Variants in SSBP3 observed in about 807,000 individuals in gnomAD.
SSBP3 encodes single stranded DNA binding protein 3.
Under a neutral mutation model 69.6 loss-of-function variants are expected in SSBP3, and 5 were observed. That is an observed-to-expected ratio of 0.07 (90% CI 0.04 to 0.15). The LOEUF (loss-of-function observed/expected upper bound fraction) is 0.15, where lower values mean the gene tolerates loss of function less well. Ranked by LOEUF, SSBP3 falls within the 10% of genes least tolerant of loss-of-function variation. The pLI, the probability that SSBP3 is intolerant of heterozygous loss-of-function variation, is 1.00. For missense variants in SSBP3, 312 were observed against 534.0 expected (o/e 0.58, Z 4.10); for synonymous variants, 196 against 193.4 (o/e 1.01, Z -0.11).
At chr1:54,397,686 C>G (rs571631023) in intron 4 of SSBP3, among the ~76,000 whole-genome samples, 2 of 152,284 alleles carry the variant, frequency 1.3e-5, no homozygotes, top group African/African-American at 2.4e-5. Flanking sequence ...GGTCATGGAA[C>G]TCCATGTCCA....
chr1:54,405,009 G>A (rs1649611031), intron 1 of SSBP3, 79 bp from the exon 2 acceptor site: 1 of 1,311,890 alleles, frequency 7.6e-7, no homozygotes. Context: ...CTTGCCAGCA[G>A]GCTTTGAGCC....
chr1:54,347,877 G>A (rs2100560779), intron 4 of SSBP3, among the ~76,000 whole-genome samples: 1 of 152,298 alleles, frequency 6.6e-6, no homozygotes, highest in East Asian at 1.9e-4. Context: ...TCAGCCTCCA[G>A]AACATTGAGA....
At chr1:54,254,303 G>A (rs1000206500) in intron 7 of SSBP3, among the ~76,000 whole-genome samples, 9 of 152,148 alleles carry the variant, frequency 5.9e-5, no homozygotes, top group African/African-American at 2.2e-4. Context: ...TCTCTCACCT[G>A]CCCCGCCAGC....
chr1:54,225,506 CT>C (rs919062267), exon 18 of SSBP3: 35 of 1,067,548 alleles, frequency 3.3e-5, no homozygotes, highest in Middle Eastern at 5.3e-4. Flanking sequence ...ATCATAATTA[CT>C]TTTTTTTCCT....
intron 5 of SSBP3, among the ~76,000 whole-genome samples, chr1:54,268,571 A>AC (rs1387404750): frequency 6.6e-6 from 1 of 152,212 alleles, no homozygotes; most frequent in African/African-American, 2.4e-5. Flanking sequence ...CCCTAATTCA[A>AC]CCCCAATTGC....
intron 4 of SSBP3, among the ~76,000 whole-genome samples, chr1:54,319,001 T>G (rs1646165688): frequency 6.6e-6 from 1 of 152,096 alleles, no homozygotes; most frequent in African/African-American, 2.4e-5. Context: ...TTGGAAACAC[T>G]GCAATTCTTT....
At chr1:54,406,687 C>G (rs1359991057), upstream of SSBP3, among the ~76,000 whole-genome samples, 1 of 152,068 alleles carries the variant, frequency 6.6e-6, no homozygotes, top group South Asian at 2.1e-4. Context: ...CTCCTCGCCC[C>G]AGCGAGGAGG....
intron 4 of SSBP3, among the ~76,000 whole-genome samples, chr1:54,352,269 A>G (rs1388149125): frequency 3.3e-5 from 5 of 151,784 alleles, no homozygotes; most frequent in Non-Finnish European, 1.5e-5. Flanking sequence ...GAAGCAGCAC[A>G]AGGTGCCTTA....
chr1:54,359,804 C>T (rs747609292), intron 4 of SSBP3, among the ~76,000 whole-genome samples: 7 of 152,054 alleles, frequency 4.6e-5, no homozygotes, highest in Non-Finnish European at 8.8e-5. Flanking sequence ...CAGGAGGGTG[C>T]GATGCCATCT....
At chr1:54,386,683 C>CCTTTTTTTTTTTTTTT (rs1648105405) in intron 4 of SSBP3, among the ~76,000 whole-genome samples, 1 of 76,136 alleles carries the variant, frequency 1.3e-5, no homozygotes, top group African/African-American at 6.9e-5. Flanking sequence ...ACTGATCCTA[C>CCTTTTTTTTTTTTTTT]TTTTTTTTTT....
intron 4 of SSBP3, among the ~76,000 whole-genome samples, chr1:54,304,749 T>C (rs1469822384): frequency 6.6e-6 from 1 of 152,174 alleles, no homozygotes; most frequent in Non-Finnish European, 1.5e-5. Context: ...GGGTTGAGTT[T>C]GTGGATGCTG....
rs111320500 is a variant in SSBP3 at position 54,392,136 on chromosome 1, A to G, written c.276+9725T>C. On this transcript the variant is annotated intron_variant, in intron 4 of 17. Transcript: ENST00000610401. ...TCTGTTGGGATTTTCTGTGTGTTCA[A>G]TGCACTAAGACTATGGCAGCAAACC... Among the ~76,000 whole-genome samples, 586 of 152,316 alleles carry G rather than the reference A, an allele frequency of 3.8e-3. 20 individuals carry two copies. The South Asian group carries it at 0.041, about 11-fold the overall frequency.
At chr1:54,401,400 A>ACC (rs1649285186) in intron 4 of SSBP3, among the ~76,000 whole-genome samples, 1 of 151,900 alleles carries the variant, frequency 6.6e-6, no homozygotes, top group African/African-American at 2.4e-5. Context: ...ACACACACAC[A>ACC]CACCCATAAT....
rs866825963 is a variant in SSBP3, at chr1:54,239,208, C to G, written c.857-9G>C. On this transcript the variant is annotated splice_polypyrimidine_tract_variant and intron_variant, in intron 13 of 17. Transcript: ENST00000610401. ...ACTGGAATTTGTTGAATCTGTAGAA[C>G]AGTGGAAACCCACAAGTCGGGGTGA... The G allele has an allele frequency of 1.6e-5, 25 of 1,602,726 alleles. No individual in the cohort carries two copies. The Middle Eastern group carries it at 3.0e-3, about 192-fold the overall frequency.
intron 5 of SSBP3, among the ~76,000 whole-genome samples, chr1:54,271,692 C>T (rs983402208): frequency 6.6e-6 from 1 of 152,214 alleles, no homozygotes; most frequent in Non-Finnish European, 1.5e-5. Flanking sequence ...TGCCCCTCTA[C>T]CCCACCATGT....
upstream of SSBP3, among the ~76,000 whole-genome samples, chr1:54,407,538 A>T (rs926878009): frequency 2.0e-5 from 3 of 152,058 alleles, no homozygotes; most frequent in East Asian, 3.9e-4. Flanking sequence ...CGTGCCCCTC[A>T]TTAGGGACTC....
chr1:54,331,056 A>G (rs1487486444), intron 4 of SSBP3, among the ~76,000 whole-genome samples: 2 of 152,246 alleles, frequency 1.3e-5, no homozygotes, highest in Non-Finnish European at 2.9e-5. Context: ...GTACACAGAA[A>G]GCCCTTCAAA....
At chr1:54,244,504 C>T (rs1309619720) in intron 9 of SSBP3, among the ~76,000 whole-genome samples, 1 of 152,166 alleles carries the variant, frequency 6.6e-6, no homozygotes, top group Admixed American at 6.5e-5. Context: ...ACTTCAGCCT[C>T]CGAAAGTATC....
At position 54,374,785 on chromosome 1, in the gene SSBP3, G is replaced by A. The variant is rs572239506; in HGVS notation, c.276+27076C>T. ...AAATGCAGACCCCACCTAATCCAAC[G>A]TGAGATATCAGGGCTATCAACGTGA... On this transcript the variant is annotated intron_variant, in intron 4 of 17. Coordinates refer to ENST00000610401, the Ensembl canonical transcript of SSBP3. Among the ~76,000 whole-genome samples, 53 of 152,268 alleles carry A rather than the reference G, an allele frequency of 3.5e-4. 1 individual carries two copies. The Middle Eastern group carries it at 0.014, about 39-fold the overall frequency.
Sources: gnomAD v4.1 joint callset for allele counts (sites outside exome capture counted in the v4.1 genomes callset) on GRCh38, gnomAD v4.1.1 for gene constraint, MANE v1.5 for transcripts, NCBI Gene and HGNC (gene_info 2026-07-23, HGNC 2026-07-21) for gene names.